COX7A2L: variants seen among roughly 807,000 people sequenced by gnomAD.
COX7A2L encodes cytochrome c oxidase subunit 7A2-like, mitochondrial.
Under a neutral mutation model 14.2 loss-of-function variants are expected in COX7A2L, and 18 were observed. That is an observed-to-expected ratio of 1.27 (90% CI 0.88 to 1.88). The LOEUF (loss-of-function observed/expected upper bound fraction) is 1.88. Ranked by LOEUF, COX7A2L falls within the 40% of genes most tolerant of loss-of-function variation. COX7A2L has a pLI of 0.00. For synonymous variants in COX7A2L, 65 were observed against 57.4 expected, an observed-to-expected ratio of 1.13 and a Z score of -0.60; for missense variants, 179 against 138.8, an observed-to-expected ratio of 1.29 and a Z score of -1.46.
At chr2:42,365,517 C>T (rs1671147540), upstream of COX7A2L, among the ~76,000 whole-genome samples, 1 of 151,940 alleles carries the variant, frequency 6.6e-6, no homozygotes, top group South Asian at 2.1e-4. Context: ...ATCCCAGCTA[C>T]AGGTGAGGCT....
At chr2:42,367,061 CA>C (rs1302616711) in intron 1 of COX7A2L, among the ~76,000 whole-genome samples, 2 of 152,192 alleles carry the variant, frequency 1.3e-5, no homozygotes, top group Non-Finnish European at 2.9e-5. Context: ...TTCCAAGTGC[CA>C]AATACATAAT....
intron 1 of COX7A2L, among the ~76,000 whole-genome samples, chr2:42,358,605 C>T (rs1340899484): frequency 6.6e-6 from 1 of 152,206 alleles, no homozygotes; most frequent in Non-Finnish European, 1.5e-5. Flanking sequence ...CACAGTATCA[C>T]TTCTTTTCAA....
At chr2:42,355,576 T>C (rs1670788879) in intron 1 of COX7A2L, among the ~76,000 whole-genome samples, 1 of 152,164 alleles carries the variant, frequency 6.6e-6, no homozygotes, top group South Asian at 2.1e-4. Flanking sequence ...TATTTCCCTT[T>C]ATAATATTGT....
rs1354644571 is a variant in COX7A2L at position 42,350,817 on chromosome 2, T to C, written c.*402A>G. 1.9e-5 allele frequency: 3 copies of C among 154,676 alleles called. No individual in the cohort carries two copies. Among genetic ancestry groups the C allele is most frequent in the African/African-American group, 4.8e-5 (2 of 41,536 alleles). 9.6% of individuals were successfully genotyped at this position (154,676 alleles called of 1,614,324 possible). The stretch of plus-strand genomic sequence containing the variant: ...TGACTAACTCAAACTCCTCATTTCA[T>C]GCACATGACCTTGGCTTCTGTGTTC... On this transcript the variant is annotated 3_prime_UTR_variant, in exon 3 of 3. Transcript: ENST00000234301.
Position 42,361,168 on chromosome 2 carries a change from C to G in COX7A2L, c.-7G>C. The G allele has an allele frequency of 6.2e-7, 1 of 1,607,714 alleles. No individual in the cohort carries two copies. The highest frequency in any genetic ancestry group is 8.5e-7 in the Non-Finnish European group (1 of 1,176,110). On this transcript the variant is annotated 5_prime_UTR_variant, in exon 1 of 3. Coordinates refer to ENST00000234301, the MANE Select transcript of COX7A2L (RefSeq NM_004718.4). Reference sequence around the variant, plus strand: ...CACTAAACTTGTAGTACATGACGCCCAGAGTCCGGCTTCCCGCATCCGCTG... The same window carrying G: ...CACTAAACTTGTAGTACATGACGCCGAGAGTCCGGCTTCCCGCATCCGCTG...
chr2:42,360,826 T>C, intron 1 of COX7A2L: 1 of 504,814 alleles, frequency 2.0e-6, no homozygotes. Flanking sequence ...TTTAGACAAG[T>C]GACCCCGGGG....
Position 42,356,793 on chromosome 2 carries a change from G to C in COX7A2L, c.73-3450C>G, listed in dbSNP as rs554478138. On this transcript the variant is annotated intron_variant, in intron 1 of 2. Transcript: ENST00000234301. ...ATCAAAAAATTAGCCAGGTACAGTG[G>C]TGCACACCTGTGGTCCCAGCTACTT... Among the ~76,000 whole-genome samples the C allele has an allele frequency of 6.6e-5, 10 of 152,258 alleles. No individual in the cohort carries two copies. The South Asian group carries it at 2.1e-3, about 32-fold the overall frequency.
chr2:42,351,068 TAAAC>T lies in COX7A2L; in HGVS notation c.*147_*150del, dbSNP rs1206059410. The T allele has an allele frequency of 2.3e-6, 2 of 876,736 alleles. No homozygotes were observed. The highest frequency in any genetic ancestry group is 3.4e-5 in the African/African-American group (2 of 58,714). 54.3% of individuals were successfully genotyped at this position (876,736 alleles called of 1,614,324 possible). A position where few individuals can be genotyped will look rare whatever the true frequency, so the allele number is the denominator to read the frequency against. Reference sequence around the variant, plus strand: ...GCTCTGACAAGCCATATGCATTTCATAAACAAACCAAAACATCATCTTCATATCT... The same window carrying T: ...GCTCTGACAAGCCATATGCATTTCATAAACCAAAACATCATCTTCATATCT... On this transcript the variant is annotated 3_prime_UTR_variant, in exon 3 of 3. Transcript: ENST00000234301.
chr2:42,362,221 A>G (rs1049839656), upstream of COX7A2L, among the ~76,000 whole-genome samples: 14 of 151,730 alleles, frequency 9.2e-5, no homozygotes, highest in African/African-American at 2.4e-4. Flanking sequence ...TTCAATTTAA[A>G]TATGTCTGTT....
intron 1 of COX7A2L, among the ~76,000 whole-genome samples, chr2:42,358,863 G>A (rs1256613430): frequency 2.3e-4 from 35 of 152,088 alleles, no homozygotes; most frequent in East Asian, 1.9e-4. Context: ...AAGTGTGGTG[G>A]TACACATCTG....
At chr2:42,356,677 A>T (rs1051898574) in intron 1 of COX7A2L, among the ~76,000 whole-genome samples, 1 of 152,220 alleles carries the variant, frequency 6.6e-6, no homozygotes, top group Non-Finnish European at 1.5e-5. Context: ...CTGTGGTCCC[A>T]CCACTTTGGG....
chr2:42,336,146 A>G (rs1860529), intron 2 of COX7A2L, among the ~76,000 whole-genome samples: 74,421 of 151,976 alleles, frequency 0.49, 18,841 homozygotes, highest in East Asian at 0.74. Flanking sequence ...TGCTTTTTCC[A>G]CTTGGTCCTC....
In COX7A2L at chr2:42,342,826, C is replaced by T. The variant is rs1670426679; in HGVS notation, c.193-8957G>A. Among the ~76,000 whole-genome samples the T allele has an allele frequency of 6.6e-6, 1 of 152,154 alleles. No individual in the cohort carries two copies. The highest frequency in any genetic ancestry group is 1.5e-5 in the Non-Finnish European group (1 of 68,018). On this transcript the variant is annotated intron_variant, in intron 2 of 2. Coordinates refer to the COX7A2L transcript ENST00000468711. The surrounding 1 kb of genome is among the most constrained non-coding windows in gnomAD (Gnocchi z 4.9). ...TTTCGGGTTTTGCAGCAGACTTCCC[C>T]TGGGAAGTCAGCTCCAGCAGTCTTG... is the stretch of plus-strand genomic sequence containing the variant.
In COX7A2L at chr2:42,350,944, C is replaced by T; in HGVS notation, c.*275G>A. On this transcript the variant is annotated 3_prime_UTR_variant, in exon 3 of 3. Coordinates refer to ENST00000234301, the MANE Select transcript of COX7A2L (RefSeq NM_004718.4). ...CTCAGCACAGACTGACATTAACAAG[C>T]CTGTGTTCAGCCTTCATCCAGAACC... 7.1e-6 allele frequency: 2 copies of T among 281,028 alleles called. No homozygotes were observed. The highest frequency in any genetic ancestry group is 1.3e-5 in the Non-Finnish European group (2 of 150,282). 17.4% of individuals were successfully genotyped at this position (281,028 alleles called of 1,614,324 possible). A position where few individuals can be genotyped will look rare whatever the true frequency, so the allele number is the denominator to read the frequency against.
intron 1 of COX7A2L, among the ~76,000 whole-genome samples, chr2:42,358,811 A>T (rs955582119): frequency 6.6e-6 from 1 of 152,176 alleles, no homozygotes; most frequent in Non-Finnish European, 1.5e-5. Flanking sequence ...CTAAGCAACA[A>T]AACCTAGATT....
At chr2:42,348,194 A>G (rs1448506889), downstream of COX7A2L, among the ~76,000 whole-genome samples, 1 of 152,228 alleles carries the variant, frequency 6.6e-6, no homozygotes, top group Non-Finnish European at 1.5e-5. Context: ...AATATCAAAA[A>G]TGTAGAAGGA....
At chr2:42,360,926 T>G (rs1199631065) in intron 1 of COX7A2L, 164 bp downstream of exon 1, 1 of 704,036 alleles carries the variant, frequency 1.4e-6, no homozygotes, top group African/African-American at 1.8e-5. Context: ...GAAGCCTCAG[T>G]GACCACCGTA....
chr2:42,345,484 A>C (rs4597582), downstream of COX7A2L, among the ~76,000 whole-genome samples: 42,351 of 151,852 alleles, frequency 0.28, 6,334 homozygotes, highest in East Asian at 0.55. Context: ...AAAAAAAAAA[A>C]CTGTCAGTCA....
downstream of COX7A2L, among the ~76,000 whole-genome samples, chr2:42,347,173 C>CAATTT (rs1380894395): frequency 1.3e-5 from 2 of 152,084 alleles, no homozygotes; most frequent in African/African-American, 2.4e-5. Context: ...CCTAGTAAGG[C>CAATTT]AATTTAAACC....
Sources: allele counts gnomAD v4.1 joint callset (sites outside exome capture counted in the v4.1 genomes callset), GRCh38; gene constraint gnomAD v4.1.1; non-coding constraint Gnocchi (gnomAD v3.1); transcripts MANE v1.5; gene names NCBI Gene and HGNC (gene_info 2026-07-23, HGNC 2026-07-21).